The following RIC1 variants were observed in gnomAD, a reference collection of about 807,000 sequenced individuals.
RIC1 encodes the protein guanine nucleotide exchange factor subunit RIC1.
In RIC1, 88 loss-of-function variants were observed where a neutral mutation model predicts 169.0. The ratio of observed to expected loss-of-function variants is 0.52; its 90% CI spans 0.44 to 0.62. The LOEUF (loss-of-function observed/expected upper bound fraction) is 0.62. RIC1 is among the 20% of genes least tolerant of loss of function. RIC1 has a pLI of 0.00. For synonymous variants in RIC1, 790 were observed against 601.5 expected, an observed-to-expected ratio of 1.31 and a Z score of -4.59; for missense variants, 1,877 against 1,725.5, an observed-to-expected ratio of 1.09 and a Z score of -1.56.
At chr9:5,776,965 C>T (rs1323957849), downstream of RIC1, among the ~76,000 whole-genome samples, 1 of 152,040 alleles carries the variant, frequency 6.6e-6, no homozygotes, top group Non-Finnish European at 1.5e-5. Context: ...CTATTCTGGA[C>T]ATTTCATATA....
chr9:5,769,885 G>A (rs1424706554), intron 22 of RIC1, among the ~76,000 whole-genome samples: 1 of 152,174 alleles, frequency 6.6e-6, no homozygotes. Context: ...ATAACTTTTA[G>A]GTGGTATTGT....
At chr9:5,750,673 CTAAGA>C (rs1446530471) in intron 12 of RIC1, among the ~76,000 whole-genome samples, 1 of 151,772 alleles carries the variant, frequency 6.6e-6, no homozygotes. Context: ...CTGAAACATT[CTAAGA>C]TAAGGGTAGA....
chr9:5,769,100 C>A lies in RIC1; in HGVS notation c.3268C>A (p.Leu1090Ile). ...GCFAAQLGFE[L>I]ISWLCKERTR... ...CTTTGCAGCCCAGCTGGGCTTTGAA[C>A]TAATTAGTTGGCTATGCAAGGAACG... The change falls in exon 22 of 26, where the codon CTA (leucine) becomes ATA (isoleucine). Residue 1090 changes from leucine to isoleucine, a missense_variant. Coordinates refer to ENST00000414202, the MANE Select transcript of RIC1 (RefSeq NM_020829.4). 1.2e-6 allele frequency: 2 copies of A among 1,614,090 alleles called. No individual in the cohort carries two copies. The highest frequency in any genetic ancestry group is 1.7e-6 in the Non-Finnish European group (2 of 1,179,972).
intron 2 of RIC1, among the ~76,000 whole-genome samples, chr9:5,684,675 T>A (rs1821098438): frequency 6.6e-6 from 1 of 152,186 alleles, no homozygotes; most frequent in Non-Finnish European, 1.5e-5. Flanking sequence ...AAAACAGTTT[T>A]ACTTTTTCTC....
At chr9:5,661,352 T>G (rs899508131) in intron 2 of RIC1, among the ~76,000 whole-genome samples, 1 of 152,194 alleles carries the variant, frequency 6.6e-6, no homozygotes, top group Non-Finnish European at 1.5e-5. Context: ...TAAAATAGCT[T>G]TTTTCTAATT....
chr9:5,735,978 A>T (rs960856033), intron 7 of RIC1, among the ~76,000 whole-genome samples: 1 of 152,218 alleles, frequency 6.6e-6, no homozygotes, highest in East Asian at 1.9e-4. Context: ...TTTAATGAAA[A>T]TATATTTTTC....
At chr9:5,733,246 C>G (rs904916979) in intron 7 of RIC1, among the ~76,000 whole-genome samples, 1 of 151,112 alleles carries the variant, frequency 6.6e-6, no homozygotes, top group Non-Finnish European at 1.5e-5. Context: ...CATCACCACC[C>G]AATTTAAGTA....
intron 6 of RIC1, among the ~76,000 whole-genome samples, chr9:5,723,703 A>C (rs1823762495): frequency 6.6e-6 from 1 of 152,196 alleles, no homozygotes; most frequent in African/African-American, 2.4e-5. Context: ...TCCAACATTT[A>C]AGTCTTTAAT....
chr9:5,758,527 G>T (rs1018200841), intron 17 of RIC1, among the ~76,000 whole-genome samples: 1 of 151,996 alleles, frequency 6.6e-6, no homozygotes, highest in African/African-American at 2.4e-5. Context: ...TCTATTCTTT[G>T]TAGAAGACAT....
chr9:5,638,666 C>G (rs747526643), intron 1 of RIC1, among the ~76,000 whole-genome samples: 1 of 152,178 alleles, frequency 6.6e-6, no homozygotes, highest in African/African-American at 2.4e-5. Context: ...TGAATTTTTG[C>G]GGTATCAATT....
intron 2 of RIC1, among the ~76,000 whole-genome samples, chr9:5,683,514 C>T (rs1051489979): frequency 6.6e-6 from 1 of 152,158 alleles, no homozygotes; most frequent in Non-Finnish European, 1.5e-5. Context: ...GAAGTTTTGT[C>T]TCAGAGGAGT....
In RIC1 at chr9:5,765,578, T is replaced by C. The variant is rs773154412; in HGVS notation, c.3000+6T>C. ...CATCCACACCCACAGCTCAGGTTAG[T>C]TGCAAAAGTTACACATCTTCTCTAG... On this transcript the variant is annotated splice_donor_region_variant and intron_variant, in intron 20 of 25. Transcript: ENST00000414202. 3.7e-6 allele frequency: 6 copies of C among 1,613,854 alleles called. No homozygotes were observed. The highest frequency in any genetic ancestry group is 3.3e-5 in the Admixed American group (2 of 59,990).
intron 1 of RIC1, among the ~76,000 whole-genome samples, chr9:5,634,730 T>G (rs1817885676): frequency 6.6e-6 from 1 of 152,212 alleles, no homozygotes; most frequent in Non-Finnish European, 1.5e-5. Flanking sequence ...GTAATCCTAC[T>G]TGTTTATTTT....
chr9:5,720,641 T>A lies in RIC1; in HGVS notation c.611T>A (p.Val204Glu). The part of the protein sequence containing the change: ...RVGSFLGFTD[V>E]HIRDMEYCAT... ...GGTTCATTCCTGGGCTTCACAGACG[T>A]ACACATCAGAGACATGGAATACTGT... The change falls in exon 6 of 26, where the codon GTA (valine) becomes GAA (glutamate). Residue 204 changes from valine to glutamate, a missense_variant. Physicochemically the swap from Val to Glu is moderately radical, Grantham distance 121. Around this residue, in one of 3 missense-constraint regions of RIC1, gnomAD observed 1,104 missense variants for 992.0 expected, o/e 1.11. Coordinates refer to ENST00000414202, the MANE Select transcript of RIC1 (RefSeq NM_020829.4). The A allele has an allele frequency of 1.9e-6, 3 of 1,607,968 alleles. No homozygotes were observed. Among genetic ancestry groups the A allele is most frequent in the Non-Finnish European group, 2.5e-6 (3 of 1,178,116 alleles).
chr9:5,632,434 C>T (rs770863735), intron 1 of RIC1, among the ~76,000 whole-genome samples: 1 of 152,140 alleles, frequency 6.6e-6, no homozygotes, highest in African/African-American at 2.4e-5. Flanking sequence ...ATTCGGAATT[C>T]CACTGTTTAG....
chr9:5,679,404 G>A (rs1358841443), intron 2 of RIC1, among the ~76,000 whole-genome samples: 3 of 152,144 alleles, frequency 2.0e-5, no homozygotes, highest in Non-Finnish European at 2.9e-5. Flanking sequence ...GATGGGGATG[G>A]CATTGAATCT....
At chr9:5,668,200 C>G (rs1243175601) in intron 2 of RIC1, among the ~76,000 whole-genome samples, 1 of 151,908 alleles carries the variant, frequency 6.6e-6, no homozygotes, top group Non-Finnish European at 1.5e-5. Flanking sequence ...GGTACCACCT[C>G]TGTGATTCAA....
intron 2 of RIC1, among the ~76,000 whole-genome samples, chr9:5,675,833 C>G (rs1390728288): frequency 6.6e-6 from 1 of 152,170 alleles, no homozygotes; most frequent in Non-Finnish European, 1.5e-5. Flanking sequence ...TAATTATATA[C>G]TGAATATAAA....
downstream of RIC1, among the ~76,000 whole-genome samples, chr9:5,777,467 C>T (rs952547778): frequency 6.6e-6 from 1 of 151,104 alleles, no homozygotes; most frequent in Non-Finnish European, 1.5e-5. Flanking sequence ...TGAGTGTTGT[C>T]AGCATGTGAT....
Sources: allele counts gnomAD v4.1 joint callset (sites outside exome capture counted in the v4.1 genomes callset), GRCh38; gene constraint gnomAD v4.1.1; regional missense constraint gnomAD v4.1.1; transcripts MANE v1.5; gene names NCBI Gene and HGNC (gene_info 2026-07-23, HGNC 2026-07-21).